UBE2V2: variants seen among roughly 807,000 people sequenced by gnomAD.
UBE2V2 encodes ubiquitin-conjugating enzyme E2 variant 2.
In UBE2V2, 9 loss-of-function variants were observed where a neutral mutation model predicts 17.2. That is an observed-to-expected ratio of 0.52 (90% confidence interval 0.32 to 0.91). UBE2V2 has a LOEUF of 0.91. Among genes scored for constraint, UBE2V2 ranks in the 40% least tolerant of loss-of-function variants. UBE2V2 has a pLI of 0.04. For synonymous variants in UBE2V2, 61 were observed against 57.5 expected, an observed-to-expected ratio of 1.06 and a Z score of -0.28; for missense variants, 133 against 182.6, an observed-to-expected ratio of 0.73 and a Z score of 1.56.
At chr8:48,029,278 A>G (rs754026520) in intron 1 of UBE2V2, among the ~76,000 whole-genome samples, 49 of 152,266 alleles carry the variant, frequency 3.2e-4, no homozygotes, top group Non-Finnish European at 5.0e-4. Flanking sequence ...GCAGTGAGAC[A>G]TGATTGTACC....
At chr8:48,024,457 T>C (rs949744504) in intron 1 of UBE2V2, among the ~76,000 whole-genome samples, 2 of 152,082 alleles carry the variant, frequency 1.3e-5, no homozygotes, top group African/African-American at 4.8e-5. Flanking sequence ...TAGCTGGGCA[T>C]GGTGGCACAT....
chr8:48,055,200 C>CTTT (rs5891260), intron 3 of UBE2V2, among the ~76,000 whole-genome samples: 1 of 134,468 alleles, frequency 7.4e-6, no homozygotes, highest in Non-Finnish European at 1.6e-5. Context: ...GTTTCTTTTC[C>CTTT]TTTTTTTTTT....
chr8:48,011,922 A>G (rs1466645909), intron 1 of UBE2V2, among the ~76,000 whole-genome samples: 1 of 152,192 alleles, frequency 6.6e-6, no homozygotes, highest in Non-Finnish European at 1.5e-5. Context: ...GGTTAGGATT[A>G]CAGGTTTGAG....
upstream of UBE2V2, among the ~76,000 whole-genome samples, chr8:48,005,018 TCTC>T (rs1464636555): frequency 1.4e-5 from 2 of 145,666 alleles, no homozygotes; most frequent in Non-Finnish European, 3.0e-5. Context: ...AACTACTTTT[TCTC>T]CTTTTTTTTT....
chr8:48,050,786 A>G (rs1271427188), intron 3 of UBE2V2, among the ~76,000 whole-genome samples: 1 of 152,070 alleles, frequency 6.6e-6, no homozygotes, highest in Non-Finnish European at 1.5e-5. Context: ...ATGACTGTTC[A>G]TGAAAAGGAT....
At chr8:48,060,233 A>G (rs892504410) in intron 3 of UBE2V2, among the ~76,000 whole-genome samples, 1 of 147,152 alleles carries the variant, frequency 6.8e-6, no homozygotes, top group East Asian at 2.0e-4. Flanking sequence ...AAAAAAAAAA[A>G]GGAAAGAATA....
chr8:48,014,966 C>T (rs1042439595), intron 1 of UBE2V2, among the ~76,000 whole-genome samples: 2 of 148,486 alleles, frequency 1.3e-5, no homozygotes, highest in Non-Finnish European at 3.0e-5. Context: ...AGTAGAATGG[C>T]ATGAACCCGG....
chr8:48,034,162 A>ACCGGGCTGGAGTG (rs2091404075), intron 1 of UBE2V2, among the ~76,000 whole-genome samples: 1 of 136,856 alleles, frequency 7.3e-6, no homozygotes, highest in Non-Finnish European at 1.5e-5. Flanking sequence ...TCGCACTGTC[A>ACCGGGCTGGAGTG]CCGGGCTGGA....
chr8:48,054,996 C>T (rs1341702998), intron 3 of UBE2V2, among the ~76,000 whole-genome samples: 3 of 151,580 alleles, frequency 2.0e-5, no homozygotes, highest in African/African-American at 4.8e-5. Context: ...ATTTAACTAC[C>T]ATTTACAGCT....
At chr8:48,024,605 AAAAAG>A (rs974918055) in intron 1 of UBE2V2, among the ~76,000 whole-genome samples, 2 of 152,120 alleles carry the variant, frequency 1.3e-5, no homozygotes, top group African/African-American at 2.4e-5. Flanking sequence ...CAAAAAAAAA[AAAAAG>A]AGATTCTTAA....
rs1042079321 is a variant in UBE2V2, at chr8:48,062,297, T to C, written c.*1469T>C. The C allele has an allele frequency of 8.5e-5, 13 of 152,186 alleles. No homozygotes were observed. Among genetic ancestry groups the C allele is most frequent in the Non-Finnish European group, 2.9e-5 (2 of 68,028 alleles). The allele number at this position is 152,186 out of a possible 1,614,324, so 9.4% of individuals were successfully genotyped here. A position where few individuals can be genotyped will look rare whatever the true frequency, so the allele number is the denominator to read the frequency against. ...AATATTAAATTAGTTGTTTAAACTT[T>C]GCTTATAAAGTATTGGCCATGTGGT... On this transcript the variant is annotated 3_prime_UTR_variant, in exon 4 of 4. Transcript: ENST00000523111.
chr8:48,036,335 A>G (rs2091424880), intron 1 of UBE2V2, among the ~76,000 whole-genome samples: 1 of 152,050 alleles, frequency 6.6e-6, no homozygotes, highest in African/African-American at 2.4e-5. Flanking sequence ...AGGAATATTA[A>G]AGGAGGAGGA....
intron 3 of UBE2V2, among the ~76,000 whole-genome samples, chr8:48,054,292 G>A (rs1316307579): frequency 1.3e-5 from 2 of 152,048 alleles, no homozygotes; most frequent in African/African-American, 4.8e-5. Flanking sequence ...AGTGTGCCGT[G>A]GCGTGGGGCT....
intron 3 of UBE2V2, among the ~76,000 whole-genome samples, chr8:48,051,761 C>T (rs1301528010): frequency 6.6e-6 from 1 of 152,176 alleles, no homozygotes; most frequent in Admixed American, 6.5e-5. Context: ...GGCGGGGCCC[C>T]AGATTGGCTG....
chr8:48,045,317 G>C (rs1180408186), intron 2 of UBE2V2, among the ~76,000 whole-genome samples: 1 of 152,178 alleles, frequency 6.6e-6, no homozygotes, highest in African/African-American at 2.4e-5. Context: ...CAGGGAAACC[G>C]TGTATTTTTA....
intron 1 of UBE2V2, among the ~76,000 whole-genome samples, chr8:48,024,595 C>CAA (rs762229248): frequency 2.5e-5 from 3 of 122,138 alleles, no homozygotes; most frequent in Non-Finnish European, 3.5e-5. Context: ...AACTCCGTCT[C>CAA]AAAAAAAAAA....
intron 1 of UBE2V2, among the ~76,000 whole-genome samples, chr8:48,037,134 G>A (rs181320076): frequency 6.7e-4 from 102 of 152,356 alleles, no homozygotes; most frequent in African/African-American, 2.4e-3. Flanking sequence ...AGCCGAGATC[G>A]TGCCATTGCA....
chr8:48,005,449 T>C (rs2091177709), upstream of UBE2V2, among the ~76,000 whole-genome samples: 1 of 152,224 alleles, frequency 6.6e-6, no homozygotes, highest in Non-Finnish European at 1.5e-5. Flanking sequence ...TCCAAGTCTT[T>C]GCTATTGTGA....
At chr8:48,047,995 GTTTTTTTT>G (rs11368838) in intron 2 of UBE2V2, among the ~76,000 whole-genome samples, 1 of 139,570 alleles carries the variant, frequency 7.2e-6, no homozygotes, top group Non-Finnish European at 1.5e-5. Context: ...AGAGCTTTGG[GTTTTTTTT>G]TTTTTTTTTT....
Sources: gnomAD v4.1 joint callset for allele counts (sites outside exome capture counted in the v4.1 genomes callset) on GRCh38, gnomAD v4.1.1 for gene constraint, MANE v1.5 for transcripts, NCBI Gene and HGNC (gene_info 2026-07-23, HGNC 2026-07-21) for gene names.